Variants in MED15 observed in about 807,000 individuals in gnomAD.
The protein encoded by MED15 is mediator complex subunit 15.
MED15 carries 41 observed loss-of-function variants against 118.7 expected under a neutral mutation model. The observed-to-expected ratio is 0.35, with a 90% CI of 0.27 to 0.45. The LOEUF (loss-of-function observed/expected upper bound fraction) is 0.45, where lower values mean the gene tolerates loss of function less well. Among genes scored for constraint, MED15 ranks in the 20% least tolerant of loss-of-function variants. The pLI, the probability that MED15 is intolerant of heterozygous loss-of-function variation, is 1.00. For missense variants in MED15, 740 were observed against 1,025.5 expected (o/e 0.72, Z 3.80); for synonymous variants, 436 against 413.9 (o/e 1.05, Z -0.65).
chr22:20,586,445 A>G, intron 17 of MED15, 123 bp from the exon 18 acceptor site: 3 of 1,427,806 alleles, frequency 2.1e-6, no homozygotes, highest in Admixed American at 1.9e-5. Flanking sequence ...AGCGTGCAGG[A>G]CACATCACCT....
At chr22:20,557,516 C>T (rs1398331387) in intron 5 of MED15, among the ~76,000 whole-genome samples, 2 of 152,160 alleles carry the variant, frequency 1.3e-5, no homozygotes, top group Non-Finnish European at 2.9e-5. Flanking sequence ...AGGGAGGACC[C>T]ACAGAAGTGC....
intron 1 of MED15, among the ~76,000 whole-genome samples, chr22:20,530,617 G>A (rs2054817887): frequency 6.6e-6 from 1 of 152,136 alleles, no homozygotes; most frequent in South Asian, 2.1e-4. Context: ...CAGGGGAGAG[G>A]CCTCACTGAG....
At chr22:20,559,766 C>G (rs2056161704) in intron 5 of MED15, among the ~76,000 whole-genome samples, 1 of 152,188 alleles carries the variant, frequency 6.6e-6, no homozygotes, top group Non-Finnish European at 1.5e-5. Flanking sequence ...TTAGATAAAC[C>G]TAGCCTTAGA....
intron 3 of MED15, chr22:20,551,742 T>C (rs927893667): frequency 1.8e-6 from 1 of 541,272 alleles, no homozygotes; most frequent in Non-Finnish European, 3.3e-6. Context: ...AACGGGTTGC[T>C]GCTTCACTTG....
Position 20,583,325 on chromosome 22 carries a change from C to T in MED15, c.1673-5C>T, listed in dbSNP as rs2057044720. ...TGTCTTAGTGTGTACCCTCTTCTGT[C>T]CCAGACAGAAAAAAGGACCTGAGTA... is the stretch of plus-strand genomic sequence containing the variant. On this transcript the variant is annotated splice_region_variant and splice_polypyrimidine_tract_variant and intron_variant, in intron 12 of 17. Transcript: ENST00000263205. 6 of 1,613,302 alleles carry T rather than the reference C, an allele frequency of 3.7e-6. No individual in the cohort carries two copies. The highest frequency in any genetic ancestry group is 5.1e-6 in the Non-Finnish European group (6 of 1,179,992).
intron 8 of MED15, 180 bp from the exon 9 acceptor site, chr22:20,574,933 C>T (rs2056777581): frequency 3.9e-6 from 3 of 760,234 alleles, no homozygotes; most frequent in African/African-American, 1.7e-5. Context: ...CCAGACAGAC[C>T]TGGAGGTGCT....
intron 1 of MED15, chr22:20,523,800 T>C (rs970327583): frequency 2.0e-6 from 2 of 985,332 alleles, no homozygotes; most frequent in African/African-American, 1.7e-5. Context: ...CGTGTATTCT[T>C]CTGAACTAGC....
At chr22:20,585,916 C>T (rs975578358) in intron 17 of MED15, 90 bp downstream of exon 17, 5 of 1,217,160 alleles carry the variant, frequency 4.1e-6, no homozygotes, top group South Asian at 1.3e-5. Flanking sequence ...GGGACAGCCT[C>T]TGTGTGCTCC....
intron 1 of MED15, among the ~76,000 whole-genome samples, chr22:20,534,888 C>G (rs1043141207): frequency 1.3e-5 from 2 of 152,202 alleles, no homozygotes; most frequent in African/African-American, 4.8e-5. Flanking sequence ...TGTTCCACAC[C>G]TGGATGCCTT....
chr22:20,541,090 T>G (rs1304395513), intron 2 of MED15, among the ~76,000 whole-genome samples: 1 of 151,402 alleles, frequency 6.6e-6, no homozygotes, highest in Non-Finnish European at 1.5e-5. Context: ...GGAAAAAAAA[T>G]TAGCCAGGCG....
intron 13 of MED15, chr22:20,584,041 G>T (rs1484657235): frequency 6.2e-5 from 25 of 400,368 alleles, no homozygotes; most frequent in Admixed American, 4.5e-4. Context: ...GTCTTCATGG[G>T]TTGATCCTTT....
intron 2 of MED15, among the ~76,000 whole-genome samples, chr22:20,541,650 A>ATTTTTT (rs35805990): frequency 2.4e-5 from 3 of 125,516 alleles, no homozygotes; most frequent in Admixed American, 8.2e-5. Context: ...CACCCAGCTA[A>ATTTTTT]TTTTTTTTTT....
chr22:20,587,197 AG>A lies in MED15; in HGVS notation c.*494del, dbSNP rs2057160538. 6.2e-6 allele frequency: 1 copy of A among 161,928 alleles called. No homozygotes were observed. The highest frequency in any genetic ancestry group is 1.4e-5 in the Non-Finnish European group (1 of 73,360). 10.0% of individuals were successfully genotyped at this position (161,928 alleles called of 1,614,324 possible). ...GGGCAGGTGGAGCACCCCCCGAGGA[AG>A]CCTGCAAGTCCAGGGCACAGGCTGC... On this transcript the variant is annotated 3_prime_UTR_variant, in exon 18 of 18. Transcript: ENST00000263205.
chr22:20,584,911 G>A lies in MED15; in HGVS notation c.1860G>A (p.Pro620=), dbSNP rs772860212. Residue 620 remains proline, a synonymous_variant, in exon 15 of 18, where the codon CCG becomes CCA. Transcript: ENST00000263205. ...CCAAACAGCAGTACCTATGCCAGCC[G>A]CTCCTGGATGCCGTCCTGGCCAACA... ...PPTKQQYLCQ[P]LLDAVLANIR... is the part of the protein sequence containing the mutation. The A allele has an allele frequency of 2.1e-5, 34 of 1,613,812 alleles. No individual in the cohort carries two copies. The highest frequency in any genetic ancestry group is 4.5e-5 in the East Asian group (2 of 44,878).
chr22:20,543,182 A>C (rs1172929104), intron 2 of MED15, among the ~76,000 whole-genome samples: 1 of 111,636 alleles, frequency 9.0e-6, no homozygotes, highest in Admixed American at 8.7e-5. Flanking sequence ...TTGTACCCTT[A>C]ATTTATCTCT....
At chr22:20,584,779 G>T (rs1197011655) in intron 14 of MED15, 76 bp from the exon 15 acceptor site, 3 of 1,553,274 alleles carry the variant, frequency 1.9e-6, no homozygotes, top group Non-Finnish European at 2.6e-6. Flanking sequence ...AGTGACCATG[G>T]GCCTGGGGTG....
Position 20,587,564 on chromosome 22 carries a change from T to G in MED15, c.*860T>G. 1 of 390,604 alleles carries G rather than the reference T, an allele frequency of 2.6e-6. No individual in the cohort carries two copies. Among genetic ancestry groups the G allele is most frequent in the African/African-American group, 2.1e-5 (1 of 47,964 alleles). 24.2% of individuals were successfully genotyped at this position (390,604 alleles called of 1,614,324 possible). A position where few individuals can be genotyped will look rare whatever the true frequency, so the allele number is the denominator to read the frequency against. The stretch of plus-strand genomic sequence containing the variant: ...CCTCTGGTGAGAAGAGGTCCCCCCT[T>G]TTTATGTGCACTACCCCACCATCTG... On this transcript the variant is annotated 3_prime_UTR_variant, in exon 18 of 18. Transcript: ENST00000263205.
At chr22:20,533,629 T>G (rs1164818900) in intron 1 of MED15, among the ~76,000 whole-genome samples, 1 of 152,156 alleles carries the variant, frequency 6.6e-6, no homozygotes, top group Non-Finnish European at 1.5e-5. Flanking sequence ...CCTCCGAAGC[T>G]CATGTGGAAC....
At chr22:20,515,966 T>TAA in intron 1 of MED15, among the ~76,000 whole-genome samples, 1 of 139,344 alleles carries the variant, frequency 7.2e-6, no homozygotes, top group Non-Finnish European at 1.6e-5. Flanking sequence ...TCACGCCACT[T>TAA]CACTCTAGCC....
Sources: allele counts gnomAD v4.1 joint callset (sites outside exome capture counted in the v4.1 genomes callset), GRCh38; gene constraint gnomAD v4.1.1; transcripts MANE v1.5; gene names NCBI Gene and HGNC (gene_info 2026-07-23, HGNC 2026-07-21).